PCDHGA2: variants seen among roughly 807,000 people sequenced by gnomAD.
The protein encoded by PCDHGA2 is protocadherin gamma-A2.
In PCDHGA2, 40 loss-of-function variants were observed where a neutral mutation model predicts 59.2. The ratio of observed to expected loss-of-function variants is 0.68; its 90% CI spans 0.52 to 0.88. The LOEUF is 0.88. Ranked by LOEUF, PCDHGA2 falls within the 40% of genes least tolerant of loss-of-function variation. PCDHGA2 has a pLI of 0.00. For missense variants in PCDHGA2, 1,226 were observed against 1,204.0 expected (o/e 1.02, Z -0.27); for synonymous variants, 560 against 526.0 (o/e 1.06, Z -0.89).
intron 1 of PCDHGA2, chr5:141,399,082 G>A: frequency 6.2e-7 from 1 of 1,613,822 alleles, no homozygotes; most frequent in East Asian, 2.2e-5. Flanking sequence ...AGAAGGGAGG[G>A]ATGGTGGTGG....
chr5:141,376,574 G>A, intron 1 of PCDHGA2: 12 of 1,598,206 alleles, frequency 7.5e-6, no homozygotes, highest in Non-Finnish European at 1.0e-5. Context: ...AATCAGACAG[G>A]CTCATCAGCT....
At chr5:141,501,313 ACAC>A (rs2099807743) in intron 2 of PCDHGA2, among the ~76,000 whole-genome samples, 1 of 151,686 alleles carries the variant, frequency 6.6e-6, no homozygotes, top group Non-Finnish European at 1.5e-5. Context: ...ACACACACAC[ACAC>A]ACACACACAC....
intron 1 of PCDHGA2, chr5:141,362,394 C>A (rs1762476605): frequency 6.2e-7 from 1 of 1,613,932 alleles, no homozygotes; most frequent in Non-Finnish European, 8.5e-7. Flanking sequence ...ATTCCTACAA[C>A]CTGTGTGTTG....
rs781198519 is a variant in PCDHGA2 at position 141,432,162 on chromosome 5, G to A, written c.2425-62645G>A. ...TATATCCCAGAGAACAATCCCAGAG[G>A]AGTTTCCCTCGTCTCTGTGACCGCC... On this transcript the variant is annotated intron_variant, in intron 1 of 3. Coordinates refer to ENST00000394576, the MANE Select transcript of PCDHGA2 (RefSeq NM_018915.4). The surrounding 1 kb of genome is among the most constrained non-coding windows in gnomAD (Gnocchi z 6.0). 1 of 1,614,070 alleles carries A rather than the reference G, an allele frequency of 6.2e-7. No homozygotes were observed. The highest frequency in any genetic ancestry group is 8.5e-7 in the Non-Finnish European group (1 of 1,180,030).
chr5:141,443,417 T>C (rs1429905201), intron 1 of PCDHGA2, among the ~76,000 whole-genome samples: 3 of 152,132 alleles, frequency 2.0e-5, no homozygotes, highest in East Asian at 1.9e-4. Context: ...TCTGGGGAGA[T>C]TGAAGCTGCA....
rs10040701 is a variant in PCDHGA2 at position 141,508,490 on chromosome 5, A to G, written c.2573-2457A>G. ...TCTTTCTTTTACATTCTGGATTTCC[A>G]TATCTTCTCTCCCTCCTGGTCCAGC... On this transcript the variant is annotated intron_variant, in intron 3 of 3. Transcript: ENST00000394576. Among the ~76,000 whole-genome samples, 377 of 152,202 alleles carry G rather than the reference A, an allele frequency of 2.5e-3. 1 individual carries two copies. The highest frequency in any genetic ancestry group is 8.6e-3 in the African/African-American group (358 of 41,530).
At chr5:141,376,299 A>T (rs1314928354) in intron 1 of PCDHGA2, 2 of 1,614,164 alleles carry the variant, frequency 1.2e-6, no homozygotes, top group Non-Finnish European at 1.7e-6. Flanking sequence ...CCCGGCTCGC[A>T]CTTTGTGGGC....
In PCDHGA2 at chr5:141,431,279, C is replaced by G. The variant is rs1163372308; in HGVS notation, c.2425-63528C>G. Reference sequence around the variant, plus strand: ...CTCTCTGCAGAGCTACGAGCTCAGCCCGAACACTCACTTCTCCCTCATCGT... The same window carrying G: ...CTCTCTGCAGAGCTACGAGCTCAGCGCGAACACTCACTTCTCCCTCATCGT... On this transcript the variant is annotated intron_variant, in intron 1 of 3. Coordinates refer to ENST00000394576, the MANE Select transcript of PCDHGA2 (RefSeq NM_018915.4). This position sits in a 1 kb window ranked among gnomAD's most constrained non-coding sequence, Gnocchi z 4.8. 1 of 1,614,028 alleles carries G rather than the reference C, an allele frequency of 6.2e-7. No individual in the cohort carries two copies. Among genetic ancestry groups the G allele is most frequent in the African/African-American group, 1.3e-5 (1 of 74,926 alleles).
intron 1 of PCDHGA2, chr5:141,374,829 T>A: frequency 1.2e-6 from 2 of 1,613,956 alleles, no homozygotes; most frequent in South Asian, 1.1e-5. Flanking sequence ...GTCTACCGTG[T>A]AAGTGTTCCT....
intron 1 of PCDHGA2, chr5:141,440,987 A>C (rs2098217413): frequency 6.6e-6 from 1 of 152,278 alleles, no homozygotes; most frequent in African/African-American, 2.4e-5. Flanking sequence ...AACCCAGAGT[A>C]CCCATATCTA....
intron 1 of PCDHGA2, chr5:141,371,288 G>A (rs780665474): frequency 3.1e-6 from 5 of 1,613,992 alleles, no homozygotes; most frequent in Non-Finnish European, 4.2e-6. Flanking sequence ...ACAGTAAAAC[G>A]GGGGAACTCA....
At chr5:141,467,941 G>A (rs1173095290) in intron 1 of PCDHGA2, among the ~76,000 whole-genome samples, 4 of 151,984 alleles carry the variant, frequency 2.6e-5, no homozygotes, top group Admixed American at 2.6e-4. Context: ...TTACAAGCAT[G>A]AGCCACCACA....
In PCDHGA2 at chr5:141,339,827, G is replaced by A. The variant is rs765909769; in HGVS notation, c.856G>A (p.Gly286Arg). The A allele has an allele frequency of 9.3e-6, 15 of 1,614,052 alleles. No homozygotes were observed. In the East Asian group the frequency reaches 2.2e-4, roughly 24 times the overall value. ...QVVYFLEKSP[G>R]ETSEVFELKS... ...GGTATATTTTCTAGAGAAAAGCCCT[G>A]GAGAAACCTCAGAGGTATTTGAGCT... Residue 286 changes from glycine to arginine, a missense_variant, in exon 1 of 4, where the codon GGA (glycine) becomes AGA (arginine). Gly to Arg is a moderately radical substitution (Grantham distance 125, BLOSUM62 -2). Transcript: ENST00000394576.
At chr5:141,423,485 C>T (rs752918607) in intron 1 of PCDHGA2, 30 of 1,613,840 alleles carry the variant, frequency 1.9e-5, no homozygotes, top group Non-Finnish European at 2.2e-5. Context: ...TTCCTGCAAA[C>T]CTATTCCCAC....
At chr5:141,385,101 C>T (rs1373310406) in intron 1 of PCDHGA2, 1 of 1,614,078 alleles carries the variant, frequency 6.2e-7, no homozygotes, top group Admixed American at 1.7e-5. Flanking sequence ...GCTTGGCGAA[C>T]GTGCCCACCT....
chr5:141,350,892 C>A (rs1256057534), intron 1 of PCDHGA2: 1 of 1,613,928 alleles, frequency 6.2e-7, no homozygotes, highest in Non-Finnish European at 8.5e-7. Context: ...ATCCTGACTG[C>A]CATGGATGGC....
intron 3 of PCDHGA2, among the ~76,000 whole-genome samples, chr5:141,510,566 A>G (rs2154594633): frequency 6.6e-6 from 1 of 152,288 alleles, no homozygotes; most frequent in South Asian, 2.1e-4. Flanking sequence ...TACATCTACC[A>G]GGCACTATTT....
At chr5:141,410,170 C>A in intron 1 of PCDHGA2, 1 of 1,613,828 alleles carries the variant, frequency 6.2e-7, no homozygotes, top group African/African-American at 1.3e-5. Context: ...CACTCTCTGC[C>A]ACCGCCACGC....
At chr5:141,437,016 T>G (rs1025489534) in intron 1 of PCDHGA2, among the ~76,000 whole-genome samples, 1 of 152,254 alleles carries the variant, frequency 6.6e-6, no homozygotes, top group Non-Finnish European at 1.5e-5. Flanking sequence ...TTAGATAATT[T>G]CACCAGAAAA....
Sources: allele counts gnomAD v4.1 joint callset (sites outside exome capture counted in the v4.1 genomes callset), GRCh38; gene constraint gnomAD v4.1.1; non-coding constraint Gnocchi (gnomAD v3.1); transcripts MANE v1.5; gene names NCBI Gene and HGNC (gene_info 2026-07-23, HGNC 2026-07-21).